Variants in CFAP74 observed in about 807,000 individuals in gnomAD.
CFAP74 encodes the protein cilia- and flagella-associated protein 74.
In CFAP74, 124 loss-of-function variants were observed where a neutral mutation model predicts 188.9. The observed-to-expected ratio is 0.66, with a 90% CI of 0.57 to 0.76. CFAP74 has a LOEUF of 0.76. Ranked by LOEUF, CFAP74 falls within the 30% of genes least tolerant of loss-of-function variation. The pLI is 0.00. For missense variants in CFAP74, 2,198 were observed against 2,165.2 expected (o/e 1.02, Z -0.30); for synonymous variants, 956 against 916.7 (o/e 1.04, Z -0.77).
intron 2 of CFAP74, 52 bp downstream of exon 2, chr1:1,990,838 T>G: frequency 7.0e-7 from 1 of 1,424,806 alleles, no homozygotes; most frequent in Non-Finnish European, 9.8e-7. Context: ...AAGCATGTCA[T>G]TTGTTTGTCT....
At chr1:1,960,115 G>A (rs1036524224) in intron 14 of CFAP74, 85 bp from the exon 15 acceptor site, 1 of 1,116,994 alleles carries the variant, frequency 9.0e-7, no homozygotes, top group Non-Finnish European at 1.3e-6. Flanking sequence ...AGTCAGGCTG[G>A]GCCTCCTGGC....
At chr1:1,945,029 C>T (rs905923166) in intron 20 of CFAP74, among the ~76,000 whole-genome samples, 1 of 152,142 alleles carries the variant, frequency 6.6e-6, no homozygotes, top group South Asian at 2.1e-4. Flanking sequence ...TTTCTATGGC[C>T]GAGCACAGTG....
chr1:1,939,151 AGT>A (rs1653174620), intron 24 of CFAP74, among the ~76,000 whole-genome samples, 163 bp from the exon 25 acceptor site: 1 of 151,076 alleles, frequency 6.6e-6, no homozygotes, highest in African/African-American at 2.5e-5. Context: ...CAAGTGTGTG[AGT>A]GTGAGCACAT....
At chr1:1,945,963 C>T (rs1276463308) in intron 20 of CFAP74, among the ~76,000 whole-genome samples, 4 of 103,254 alleles carry the variant, frequency 3.9e-5, no homozygotes, top group South Asian at 3.1e-4. Context: ...TGTGTATGTG[C>T]GTTTGTGCGT....
chr1:1,963,145 C>T (rs1324312505), intron 14 of CFAP74, among the ~76,000 whole-genome samples: 1 of 152,160 alleles, frequency 6.6e-6, no homozygotes, highest in African/African-American at 2.4e-5. Context: ...AACATCAAAA[C>T]ATAACAATAC....
At chr1:1,978,405 G>A (rs1483114103) in intron 6 of CFAP74, among the ~76,000 whole-genome samples, 1 of 152,098 alleles carries the variant, frequency 6.6e-6, no homozygotes, top group Non-Finnish European at 1.5e-5. Flanking sequence ...GCAGGGCAGC[G>A]TGTCTCAGCG....
At chr1:1,959,024 G>T in intron 16 of CFAP74, 96 bp downstream of exon 16, 1 of 767,744 alleles carries the variant, frequency 1.3e-6, no homozygotes, top group Non-Finnish European at 2.1e-6. Flanking sequence ...TGGTCCCCCC[G>T]CCAACCTGCA....
At chr1:1,956,553 C>T (rs555211841) in intron 17 of CFAP74, 67 bp downstream of exon 17, 5 of 1,587,842 alleles carry the variant, frequency 3.1e-6, no homozygotes, top group African/African-American at 2.7e-5. Flanking sequence ...CACCTCTGTT[C>T]ACCCACATGG....
intron 4 of CFAP74, among the ~76,000 whole-genome samples, chr1:1,987,401 C>A (rs1657308337): frequency 6.6e-6 from 1 of 152,328 alleles, no homozygotes; most frequent in Non-Finnish European, 1.5e-5. Context: ...CCTCCACCAT[C>A]TTCCAGAGAG....
At chr1:1,964,752 T>C in intron 13 of CFAP74, 136 bp downstream of exon 13, 2 of 876,304 alleles carry the variant, frequency 2.3e-6, no homozygotes, top group Non-Finnish European at 3.5e-6. Flanking sequence ...ATTATGCCGT[T>C]GCACTCCAGC....
intron 26 of CFAP74, among the ~76,000 whole-genome samples, chr1:1,929,272 C>A (rs563586107): frequency 3.1e-5 from 4 of 127,960 alleles, no homozygotes; most frequent in Non-Finnish European, 6.7e-5. Context: ...TTCCAAGGAG[C>A]CTCCATCTTG....
intron 8 of CFAP74, 135 bp from the exon 9 acceptor site, chr1:1,972,217 A>C: frequency 1.5e-6 from 1 of 686,960 alleles, no homozygotes; most frequent in South Asian, 1.6e-5. Flanking sequence ...AAGCGCTGGG[A>C]TCACAGGCAT....
chr1:1,996,936 GAAAAAA>G (rs1171342444), intron 1 of CFAP74, among the ~76,000 whole-genome samples: 2 of 117,048 alleles, frequency 1.7e-5, no homozygotes, highest in Non-Finnish European at 3.6e-5. Context: ...AAAAAAAAAA[GAAAAAA>G]AAAAAGAAGA....
Position 1,970,712 on chromosome 1 carries a change from T to A in CFAP74, c.993A>T (p.Ala331=). The A allele has an allele frequency of 6.2e-7, 1 of 1,614,030 alleles. No individual in the cohort carries two copies. The highest frequency in any genetic ancestry group is 8.5e-7 in the Non-Finnish European group (1 of 1,179,960). ...KKAILAQGRD[A]FRHLVHQRRR... ...GGCGCTGGTGGACAAGGTGCCTGAA[T>A]GCATCCCTGCCCTGGGCCAGAATCG... The change falls in exon 10 of 39, where the codon GCA becomes GCT. Residue 331 remains alanine, a synonymous_variant. Coordinates refer to ENST00000682832, the MANE Select transcript of CFAP74 (RefSeq NM_001304360.2).
At position 1,985,376 on chromosome 1, in the gene CFAP74, A is replaced by G; in HGVS notation, c.500+10T>C. 6.2e-7 allele frequency: 1 copy of G among 1,611,604 alleles called. No homozygotes were observed. Among genetic ancestry groups the G allele is most frequent in the Non-Finnish European group, 8.5e-7 (1 of 1,177,872 alleles). On this transcript the variant is annotated intron_variant, in intron 6 of 38. Coordinates refer to ENST00000682832, the MANE Select transcript of CFAP74 (RefSeq NM_001304360.2). ...TGCCTGCTGCCAGTCCCGGCTGCAC[A>G]CCGACTCACTCGCTCTCCTTCAGCA...
chr1:1,927,917 G>A (rs913225336), intron 27 of CFAP74, 171 bp from the exon 28 acceptor site: 8 of 654,384 alleles, frequency 1.2e-5, no homozygotes, highest in African/African-American at 9.1e-5. Context: ...AGTGCGGAGG[G>A]GCACACAGAC....
rs988039453 is a variant in CFAP74 at position 1,942,397 on chromosome 1, C to T, written c.2487-241G>A. Among the ~76,000 whole-genome samples, 20 of 152,134 alleles carry T rather than the reference C, an allele frequency of 1.3e-4. No individual in the cohort carries two copies. The highest frequency in any genetic ancestry group is 1.9e-4 in the Non-Finnish European group (13 of 68,018). ...ATTCTTAAAAATAACCACATCGAAACGGAAGCACGGTCCTAATGGGCTCTC... is the reference window on the plus strand; with the variant it reads ...ATTCTTAAAAATAACCACATCGAAATGGAAGCACGGTCCTAATGGGCTCTC... On this transcript the variant is annotated intron_variant, in intron 21 of 38. Coordinates refer to ENST00000682832, the MANE Select transcript of CFAP74 (RefSeq NM_001304360.2). This position sits in a 1 kb window ranked among gnomAD's most constrained non-coding sequence, Gnocchi z 4.3.
At position 1,969,530 on chromosome 1, in the gene CFAP74, C is replaced by T. The variant is rs958965973; in HGVS notation, c.1047-697G>A. ...CAGTCCCCCAGCAGCCTTGGCTGCC[C>T]GGAGGGCTTCTTCCAAGCCCTTATT... On this transcript the variant is annotated intron_variant, in intron 10 of 38. Transcript: ENST00000682832. Among the ~76,000 whole-genome samples the T allele has an allele frequency of 7.2e-5, 11 of 152,156 alleles. No individual in the cohort carries two copies. In the South Asian group the frequency reaches 8.3e-4, roughly 11 times the overall value.
Position 1,923,353 on chromosome 1 carries a change from G to C in CFAP74, c.4522+14C>G, listed in dbSNP as rs1012705466. 7 of 1,555,728 alleles carry C rather than the reference G, an allele frequency of 4.5e-6. No homozygotes were observed. The African/African-American group carries it at 9.5e-5, about 21-fold the overall frequency. On this transcript the variant is annotated intron_variant, in intron 36 of 38. Coordinates refer to ENST00000682832, the MANE Select transcript of CFAP74 (RefSeq NM_001304360.2). The surrounding 1 kb of genome is among the most constrained non-coding windows in gnomAD (Gnocchi z 6.3). ...GAGGCCCCGTGTCTGTTCCCTCCCT[G>C]GGGAGGGGCTCACCCTCTCTGTGCC...
Sources: gnomAD v4.1 joint callset for allele counts (sites outside exome capture counted in the v4.1 genomes callset) on GRCh38, gnomAD v4.1.1 for gene constraint, Gnocchi (gnomAD v3.1) non-coding constraint, MANE v1.5 for transcripts, NCBI Gene and HGNC (gene_info 2026-07-23, HGNC 2026-07-21) for gene names.